The following HOMER1 variants were observed in gnomAD, a reference collection of about 807,000 sequenced individuals.
HOMER1 encodes the protein homer protein homolog 1.
A neutral mutation model predicts 48.9 loss-of-function variants in HOMER1; 3 were observed. The ratio of observed to expected loss-of-function variants is 0.06; its 90% CI spans 0.03 to 0.16. The LOEUF (loss-of-function observed/expected upper bound fraction) is 0.16, where lower values mean the gene tolerates loss of function less well. Ranked by LOEUF, HOMER1 falls within the 10% of genes least tolerant of loss-of-function variation. The probability of loss-of-function intolerance (pLI) is 1.00; values close to 1 mark genes in which losing one functional copy is unlikely to be tolerated. For synonymous variants in HOMER1, 134 were observed against 146.4 expected, an observed-to-expected ratio of 0.92 and a Z score of 0.61; for missense variants, 247 against 411.4, an observed-to-expected ratio of 0.60 and a Z score of 3.46.
At chr5:79,477,889 T>C (rs1751828781) in intron 1 of HOMER1, among the ~76,000 whole-genome samples, 1 of 152,132 alleles carries the variant, frequency 6.6e-6, no homozygotes, top group African/African-American at 2.4e-5. Context: ...CTGGTTTTAT[T>C]TTCTCCTTCC....
chr5:79,426,819 G>C (rs1750270362), intron 5 of HOMER1, among the ~76,000 whole-genome samples: 1 of 152,048 alleles, frequency 6.6e-6, no homozygotes, highest in Non-Finnish European at 1.5e-5. Flanking sequence ...CTAGCACAAA[G>C]AAATGATAAA....
At chr5:79,464,246 G>A (rs1232147563) in intron 1 of HOMER1, among the ~76,000 whole-genome samples, 2 of 152,148 alleles carry the variant, frequency 1.3e-5, no homozygotes, top group African/African-American at 2.4e-5. Flanking sequence ...GGAGAGGAGC[G>A]AAATCCAAAC....
intron 1 of HOMER1, among the ~76,000 whole-genome samples, chr5:79,502,337 T>C (rs73126213): frequency 0.028 from 4,205 of 152,094 alleles, 200 homozygotes; most frequent in African/African-American, 0.096. Flanking sequence ...AACATTTTAC[T>C]GTAATAAATA....
chr5:79,434,662 C>G (rs529957817), intron 5 of HOMER1, among the ~76,000 whole-genome samples: 1 of 152,078 alleles, frequency 6.6e-6, no homozygotes. Flanking sequence ...CTTTTTTACA[C>G]GTCTCTAAAC....
At chr5:79,387,898 A>G (rs1394346872) in intron 8 of HOMER1, among the ~76,000 whole-genome samples, 1 of 152,238 alleles carries the variant, frequency 6.6e-6, no homozygotes, top group African/African-American at 2.4e-5. Flanking sequence ...ACTAGAAGAT[A>G]CAGAACAATA....
intron 1 of HOMER1, among the ~76,000 whole-genome samples, chr5:79,466,369 T>C (rs1044241722): frequency 7.9e-5 from 12 of 152,058 alleles, no homozygotes; most frequent in African/African-American, 2.9e-4. Context: ...TAGCCGGGCA[T>C]GGTGGCGCAC....
intron 6 of HOMER1, 30 bp downstream of exon 6, chr5:79,401,869 A>T (rs1749544601): frequency 8.7e-6 from 14 of 1,606,786 alleles, no homozygotes; most frequent in African/African-American, 1.3e-5. Context: ...GTTAGCCCTA[A>T]ATCCCTATAG....
intron 4 of HOMER1, among the ~76,000 whole-genome samples, chr5:79,441,474 A>T (rs1750733817): frequency 6.6e-6 from 1 of 152,138 alleles, no homozygotes; most frequent in African/African-American, 2.4e-5. Context: ...TAAGAAGGGG[A>T]GAAAGAAAGG....
rs557346447 is a variant in HOMER1, at chr5:79,510,415, C to T, written c.5+2355G>A. 43 of 641,812 alleles carry T rather than the reference C, an allele frequency of 6.7e-5. No individual in the cohort carries two copies. In the East Asian group the frequency reaches 1.3e-3, roughly 20 times the overall value. The allele number at this position is 641,812 out of a possible 1,614,324, so 39.8% of individuals were successfully genotyped here. On this transcript the variant is annotated intron_variant, in intron 1 of 8. Transcript: ENST00000334082. Reference sequence around the variant, plus strand: ...TTCAGATTCTAGGCGCTTCAGGAGCCGCGCCTTAAGGTGCAGACATGGCCA... The same window carrying T: ...TTCAGATTCTAGGCGCTTCAGGAGCTGCGCCTTAAGGTGCAGACATGGCCA...
intron 5 of HOMER1, among the ~76,000 whole-genome samples, chr5:79,410,858 G>A (rs555551652): frequency 3.9e-5 from 6 of 152,262 alleles, no homozygotes; most frequent in African/African-American, 1.2e-4. Flanking sequence ...TAGAACTGTT[G>A]GGGAGGTTCT....
chr5:79,418,110 A>ATGT (rs1236873885), intron 5 of HOMER1, among the ~76,000 whole-genome samples: 1 of 152,252 alleles, frequency 6.6e-6, no homozygotes, highest in East Asian at 1.9e-4. Flanking sequence ...TGTTAATAGC[A>ATGT]TGTTACTTGT....
At chr5:79,412,834 T>C (rs1478532321) in intron 5 of HOMER1, among the ~76,000 whole-genome samples, 2 of 152,168 alleles carry the variant, frequency 1.3e-5, no homozygotes, top group Non-Finnish European at 2.9e-5. Context: ...GACACAGATG[T>C]TGGAATTATC....
rs528321402 is a variant in HOMER1, at chr5:79,491,739, C to A, written c.5+21031G>T. Among the ~76,000 whole-genome samples the A allele has an allele frequency of 5.9e-5, 9 of 152,240 alleles. No homozygotes were observed. The South Asian group carries it at 6.2e-4, about 11-fold the overall frequency. On this transcript the variant is annotated intron_variant, in intron 1 of 8. Transcript: ENST00000334082. ...AAATAAAGTAAAATGTAGCAAAAAA[C>A]CAAAAACCCATAGTAACAATAGCTA...
intron 5 of HOMER1, among the ~76,000 whole-genome samples, chr5:79,430,424 G>A (rs548481592): frequency 9.9e-5 from 15 of 152,214 alleles, no homozygotes; most frequent in African/African-American, 3.4e-4. Context: ...TCTGCTAGTG[G>A]GAATGCAAAA....
intron 1 of HOMER1, among the ~76,000 whole-genome samples, chr5:79,505,599 T>C (rs1300813153): frequency 6.6e-6 from 1 of 152,202 alleles, no homozygotes; most frequent in Non-Finnish European, 1.5e-5. Flanking sequence ...CTTCTTGTTT[T>C]ATGAAAGAAC....
chr5:79,457,125 A>G (rs1228230848), intron 1 of HOMER1, 107 bp from the exon 2 acceptor site: 1 of 1,036,416 alleles, frequency 9.6e-7, no homozygotes, highest in African/African-American at 1.6e-5. Context: ...AACAATTTCC[A>G]CATACCTGAA....
chr5:79,429,889 G>A (rs1750371851), intron 5 of HOMER1, among the ~76,000 whole-genome samples: 2 of 152,040 alleles, frequency 1.3e-5, no homozygotes, highest in Non-Finnish European at 2.9e-5. Flanking sequence ...TAGGCATGGC[G>A]GCGGGCGCCT....
intron 4 of HOMER1, 58 bp from the exon 5 acceptor site, chr5:79,439,207 A>T (rs1750678515): frequency 6.4e-7 from 1 of 1,569,052 alleles, no homozygotes; most frequent in African/African-American, 1.3e-5. Flanking sequence ...AGTACACAAT[A>T]TCATCTTGAG....
chr5:79,411,766 G>T (rs917196731), intron 5 of HOMER1, among the ~76,000 whole-genome samples: 1 of 152,102 alleles, frequency 6.6e-6, no homozygotes, highest in Non-Finnish European at 1.5e-5. Flanking sequence ...TACTTTTTAG[G>T]CATGTTAATT....
Sources: gnomAD v4.1 joint callset for allele counts (sites outside exome capture counted in the v4.1 genomes callset) on GRCh38, gnomAD v4.1.1 for gene constraint, MANE v1.5 for transcripts, NCBI Gene and HGNC (gene_info 2026-07-23, HGNC 2026-07-21) for gene names.